The following MYRIP variants were observed in gnomAD, a reference collection of about 807,000 sequenced individuals.
The protein encoded by MYRIP is myosin VIIA and Rab interacting protein, also known as rab effector MyRIP.
MYRIP carries 49 observed loss-of-function variants against 98.0 expected under a neutral mutation model. The observed-to-expected ratio is 0.50, with a 90% CI of 0.40 to 0.63. The LOEUF (loss-of-function observed/expected upper bound fraction) is 0.63. MYRIP is among the 30% of genes least tolerant of loss of function. MYRIP has a pLI of 0.00. For missense variants in MYRIP, 1,004 were observed against 1,058.2 expected, an observed-to-expected ratio of 0.95 and a Z score of 0.71; for synonymous variants, 404 against 409.5, an observed-to-expected ratio of 0.99 and a Z score of 0.16.
chr3:39,895,843 A>G (rs1217650070), intron 1 of MYRIP, among the ~76,000 whole-genome samples: 1 of 152,188 alleles, frequency 6.6e-6, no homozygotes, highest in Non-Finnish European at 1.5e-5. Context: ...CTGACCTGAG[A>G]TCAGGTACTA....
At chr3:39,809,538 A>AC (rs1940588340), upstream of MYRIP, 1 of 148,214 alleles carries the variant, frequency 6.7e-6, no homozygotes, top group African/African-American at 2.5e-5. Context: ...CCGCCTCCGC[A>AC]GGCTCCCCCG....
chr3:39,914,977 C>T (rs1944118539), intron 2 of MYRIP, among the ~76,000 whole-genome samples: 1 of 152,032 alleles, frequency 6.6e-6, no homozygotes, highest in South Asian at 2.1e-4. Context: ...ACCACCATCA[C>T]AAGAATGCAA....
intron 3 of MYRIP, among the ~76,000 whole-genome samples, chr3:40,137,143 T>G (rs1271021085): frequency 6.6e-6 from 1 of 152,024 alleles, no homozygotes; most frequent in East Asian, 1.9e-4. Context: ...CTAGCAAGAC[T>G]AATAAAGAAG....
intron 2 of MYRIP, among the ~76,000 whole-genome samples, chr3:39,915,333 T>C (rs774410137): frequency 6.6e-6 from 1 of 152,066 alleles, no homozygotes; most frequent in Non-Finnish European, 1.5e-5. Flanking sequence ...TGATTTTGTA[T>C]AACCTAAGAT....
In MYRIP at chr3:40,182,819, C is replaced by A. The variant is rs9838991; in HGVS notation, c.1027+446C>A. Among the ~76,000 whole-genome samples the A allele has an allele frequency of 6.6e-3, 1,010 of 152,312 alleles. 11 individuals are homozygous for A. The highest frequency in any genetic ancestry group is 0.024 in the African/African-American group (981 of 41,558). ...ATTTGGGTCCCAGCAAATTTGGGTCCTTAGGGCTGGTTTTAAGGATGTCCT... is the reference window on the plus strand; with the variant it reads ...ATTTGGGTCCCAGCAAATTTGGGTCATTAGGGCTGGTTTTAAGGATGTCCT... On this transcript the variant is annotated intron_variant, in intron 9 of 16. Transcript: ENST00000302541.
chr3:39,987,008 T>G (rs6792875), intron 2 of MYRIP, among the ~76,000 whole-genome samples: 41,862 of 151,998 alleles, frequency 0.28, 6,440 homozygotes, highest in Non-Finnish European at 0.35. Flanking sequence ...TTATTATTAT[T>G]TTTTAAGTTC....
At chr3:40,188,479 G>GAA (rs35216480) in intron 9 of MYRIP, among the ~76,000 whole-genome samples, 2,673 of 137,638 alleles carry the variant, frequency 0.019, 78 homozygotes, top group African/African-American at 0.059. Flanking sequence ...TGGTTAAAAG[G>GAA]AAAAAAAAAA....
At chr3:40,084,260 AAT>A (rs1296603987) in intron 3 of MYRIP, among the ~76,000 whole-genome samples, 11 of 70,306 alleles carry the variant, frequency 1.6e-4, no homozygotes, top group African/African-American at 4.3e-4. Context: ...TAATATATAA[AAT>A]ATATAATACA....
intron 1 of MYRIP, among the ~76,000 whole-genome samples, chr3:39,825,374 C>G (rs913501073): frequency 6.6e-6 from 1 of 152,080 alleles, no homozygotes; most frequent in South Asian, 2.1e-4. Context: ...CCTTCTATAC[C>G]TAATTTATTG....
At chr3:40,102,997 G>C (rs565802509) in intron 3 of MYRIP, among the ~76,000 whole-genome samples, 3 of 151,638 alleles carry the variant, frequency 2.0e-5, no homozygotes, top group Non-Finnish European at 4.4e-5. Context: ...ACCCACTAAT[G>C]TGTCACAAGC....
chr3:39,870,559 T>C (rs1942756598), intron 1 of MYRIP, among the ~76,000 whole-genome samples: 2 of 152,238 alleles, frequency 1.3e-5, no homozygotes, highest in South Asian at 4.1e-4. Flanking sequence ...CTGTCTGTTT[T>C]AGGAAATATT....
rs542643614 is a variant in MYRIP, at chr3:40,054,052, C to G, written c.332+9781C>G. 2.6e-4 allele frequency among the ~76,000 whole-genome samples: 40 copies of G among 152,264 alleles called. No homozygotes were observed. The South Asian group carries it at 7.7e-3, about 29-fold the overall frequency. ...TCTGGCTGCCTTAAGTTCATCTTACCTGAGGCCTTTCAGCTCTAACATTTA... is the reference window on the plus strand; with the variant it reads ...TCTGGCTGCCTTAAGTTCATCTTACGTGAGGCCTTTCAGCTCTAACATTTA... On this transcript the variant is annotated intron_variant, in intron 3 of 16. Transcript: ENST00000302541.
At chr3:40,211,382 C>T (rs912347974) in intron 11 of MYRIP, among the ~76,000 whole-genome samples, 10 of 152,290 alleles carry the variant, frequency 6.6e-5, no homozygotes, top group African/African-American at 2.4e-4. Context: ...GAAGTGAAGA[C>T]CATTACCCGT....
At chr3:39,877,125 T>G (rs1382848921) in intron 1 of MYRIP, among the ~76,000 whole-genome samples, 1 of 152,236 alleles carries the variant, frequency 6.6e-6, no homozygotes, top group Admixed American at 6.5e-5. Context: ...TTCTTCCAGT[T>G]GATCGCATCA....
intron 1 of MYRIP, among the ~76,000 whole-genome samples, chr3:39,826,709 G>T (rs935967218): frequency 6.6e-5 from 10 of 152,234 alleles, no homozygotes; most frequent in Middle Eastern, 3.4e-3. Flanking sequence ...CTGTCTAAAT[G>T]ATCTGTCTAA....
At position 39,830,258 on chromosome 3, in the gene MYRIP, T is replaced by C. The variant is rs78620297; in HGVS notation, c.-31+20342T>C. Reference sequence around the variant, plus strand: ...TATTCACTTGGATGAACCATAGCACTGGTCAAATCCTGATCTTTACCTACT... The same window carrying C: ...TATTCACTTGGATGAACCATAGCACCGGTCAAATCCTGATCTTTACCTACT... On this transcript the variant is annotated intron_variant, in intron 1 of 16. Coordinates refer to ENST00000302541, the MANE Select transcript of MYRIP (RefSeq NM_015460.4). Among the ~76,000 whole-genome samples the C allele has an allele frequency of 9.9e-3, 1,512 of 152,302 alleles. 20 individuals carry two copies. Among genetic ancestry groups the C allele is most frequent in the African/African-American group, 0.034 (1,422 of 41,566 alleles).
chr3:40,095,541 T>C (rs770205208), intron 3 of MYRIP, among the ~76,000 whole-genome samples: 1 of 152,126 alleles, frequency 6.6e-6, no homozygotes, highest in Non-Finnish European at 1.5e-5. Flanking sequence ...AAGGTAGTCA[T>C]GGGGGGAGAA....
chr3:39,849,826 A>G (rs1017706061), intron 1 of MYRIP, among the ~76,000 whole-genome samples: 6 of 152,192 alleles, frequency 3.9e-5, no homozygotes, highest in Admixed American at 2.6e-4. Flanking sequence ...GACCCTTTTG[A>G]CTTATAAGTG....
chr3:40,023,798 C>G (rs1947059474), intron 2 of MYRIP, among the ~76,000 whole-genome samples: 1 of 152,162 alleles, frequency 6.6e-6, no homozygotes. Context: ...CAGTTAATAT[C>G]TCAGAGAAGG....
Sources: allele counts gnomAD v4.1 joint callset (sites outside exome capture counted in the v4.1 genomes callset), GRCh38; gene constraint gnomAD v4.1.1; transcripts MANE v1.5; gene names NCBI Gene and HGNC (gene_info 2026-07-23, HGNC 2026-07-21).